IL31RA: variants seen among roughly 807,000 people sequenced by gnomAD.
The protein encoded by IL31RA is interleukin 31 receptor A.
In IL31RA, 66 loss-of-function variants were observed where a neutral mutation model predicts 83.7. The observed-to-expected ratio is 0.79, with a 90% CI of 0.65 to 0.97. The LOEUF is 0.97. IL31RA is among the 50% of genes least tolerant of loss of function. The pLI, the probability that IL31RA is intolerant of heterozygous loss-of-function variation, is 0.00. For missense variants in IL31RA, 798 were observed against 919.4 expected, an observed-to-expected ratio of 0.87 and a Z score of 1.71; for synonymous variants, 325 against 329.0, an observed-to-expected ratio of 0.99 and a Z score of 0.13.
intron 14 of IL31RA, 88 bp from the exon 15 acceptor site, chr5:55,916,556 C>T (rs1048129826): frequency 9.1e-6 from 10 of 1,095,000 alleles, no homozygotes; most frequent in Admixed American, 5.1e-5. Flanking sequence ...CAGAGATGGG[C>T]ATTTGCTGTC....
chr5:55,842,077 G>T, the IL31RA span, among the ~76,000 whole-genome samples: 1 of 152,086 alleles, frequency 6.6e-6, no homozygotes, highest in Non-Finnish European at 1.5e-5. Context: ...ACTGCCCCTG[G>T]TCTTATTTCA....
chr5:55,881,607 G>A (rs58551373), intron 4 of IL31RA, among the ~76,000 whole-genome samples: 3,565 of 151,844 alleles, frequency 0.023, 106 homozygotes, highest in African/African-American at 0.065. Flanking sequence ...CTCAACTGAG[G>A]CGTTCTTCCC....
chr5:55,883,179 T>G lies in IL31RA; in HGVS notation c.590T>G (p.Val197Gly). The G allele has an allele frequency of 6.2e-7, 1 of 1,613,914 alleles. No homozygotes were observed. Among genetic ancestry groups the G allele is most frequent in the Non-Finnish European group, 8.5e-7 (1 of 1,179,782 alleles). The change falls in exon 5 of 15, where the codon GTC (valine) becomes GGC (glycine). Residue 197 changes from valine (V) to glycine (G), a missense_variant. Transcript: ENST00000652347. ...AAATACACACTTCGATTCAGGACAG[T>G]CAACAGTACCAGCTGGGTAAGTTAT... ...DLKYTLRFRT[V>G]NSTSWMEVNF...
chr5:55,880,568 A>T (rs1031383498), intron 4 of IL31RA, among the ~76,000 whole-genome samples: 1 of 152,238 alleles, frequency 6.6e-6, no homozygotes, highest in African/African-American at 2.4e-5. Flanking sequence ...GGGTATTCAT[A>T]CAATGTTGAT....
chr5:55,900,840 A>G (rs1748763898), intron 8 of IL31RA, among the ~76,000 whole-genome samples: 1 of 152,026 alleles, frequency 6.6e-6, no homozygotes, highest in African/African-American at 2.4e-5. Flanking sequence ...TTCTTCCTCA[A>G]TAGGATGTAA....
chr5:55,863,982 C>G (rs1745845954), intron 2 of IL31RA, among the ~76,000 whole-genome samples: 1 of 152,050 alleles, frequency 6.6e-6, no homozygotes, highest in South Asian at 2.1e-4. Context: ...GGATCTATTC[C>G]TCCATTGATA....
At chr5:55,915,742 TC>T (rs1450391253) in intron 14 of IL31RA, among the ~76,000 whole-genome samples, 1 of 152,236 alleles carries the variant, frequency 6.6e-6, no homozygotes, top group African/African-American at 2.4e-5. Flanking sequence ...CCATTTACTT[TC>T]CTGCTTATTA....
chr5:55,851,569 G>A lies in IL31RA; in HGVS notation c.-2G>A. 6.2e-7 allele frequency: 1 copy of A among 1,614,006 alleles called. No individual in the cohort carries two copies. Among genetic ancestry groups the A allele is most frequent in the Non-Finnish European group, 8.5e-7 (1 of 1,179,906 alleles). ...TGTCAGCTTGTTCCACCTCAGCTGG[G>A]AATGTGCATCAGGCAACTCAAGTTT... On this transcript the variant is annotated 5_prime_UTR_variant, in exon 1 of 15. Transcript: ENST00000652347.
chr5:55,891,286 G>A (rs1398355204), intron 6 of IL31RA, among the ~76,000 whole-genome samples: 5 of 152,220 alleles, frequency 3.3e-5, no homozygotes, highest in African/African-American at 1.2e-4. Context: ...ACCCTCAGTG[G>A]ACGATCAATA....
In IL31RA at chr5:55,851,628, A is replaced by C; in HGVS notation, c.58A>C (p.Asn20His). ...GGCATGTGTCTGTGAATGTCCGCAA[A>C]ACATTGTGAGTATTGATTTGGGGGG... is the stretch of plus-strand genomic sequence containing the variant. ...TTACVCECPQ[N>H]ILSPQPSCVN... Residue 20 changes from asparagine (N) to histidine (H), a missense_variant, in exon 1 of 15, where the codon AAC becomes CAC. Transcript: ENST00000652347. 1 of 1,613,892 alleles carries C rather than the reference A, an allele frequency of 6.2e-7. No homozygotes were observed. The highest frequency in any genetic ancestry group is 8.5e-7 in the Non-Finnish European group (1 of 1,179,830).
At chr5:55,907,499 T>G in intron 10 of IL31RA, 39 bp downstream of exon 10, 1 of 1,344,626 alleles carries the variant, frequency 7.4e-7, no homozygotes, top group Non-Finnish European at 1.1e-6. Context: ...AAGGAAACAG[T>G]GTGACCTGTC....
At chr5:55,913,444 T>G (rs1341355920) in intron 12 of IL31RA, 33 bp from the exon 13 acceptor site, 1 of 1,366,584 alleles carries the variant, frequency 7.3e-7, no homozygotes, top group African/African-American at 1.4e-5. Flanking sequence ...GGTGAGGAAC[T>G]CACTACTGAC....
intron 10 of IL31RA, 100 bp downstream of exon 10, chr5:55,907,560 A>G: frequency 1.2e-6 from 1 of 807,094 alleles, no homozygotes; most frequent in South Asian, 1.4e-5. Context: ...CAGCCATCTT[A>G]GGGCTCATTT....
intron 1 of IL31RA, among the ~76,000 whole-genome samples, chr5:55,856,209 C>G (rs1745354919): frequency 6.6e-6 from 1 of 152,146 alleles, no homozygotes; most frequent in African/African-American, 2.4e-5. Context: ...CATCTTTAAG[C>G]ATAGGACACC....
At position 55,879,594 on chromosome 5, in the gene IL31RA, A is replaced by G. The variant is rs546290473; in HGVS notation, c.455-3450A>G. Reference sequence around the variant, plus strand: ...ACTACAGGCACGCACCACCATACCCAGCTATTTTTGTATTTTTAGTAGAGA... The same window carrying G: ...ACTACAGGCACGCACCACCATACCCGGCTATTTTTGTATTTTTAGTAGAGA... On this transcript the variant is annotated intron_variant, in intron 4 of 14. Coordinates refer to ENST00000652347, the MANE Select transcript of IL31RA (RefSeq NM_139017.7). 1.7e-4 allele frequency among the ~76,000 whole-genome samples: 25 copies of G among 150,806 alleles called. 1 individual carries two copies. In the South Asian group the frequency reaches 5.3e-3, roughly 32 times the overall value.
chr5:55,917,845 C>G lies in IL31RA; in HGVS notation c.*725C>G, dbSNP rs976194028. 5.5e-4 allele frequency among the ~76,000 whole-genome samples: 78 copies of G among 141,738 alleles called. No individual in the cohort carries two copies. The highest frequency in any genetic ancestry group is 1.9e-3 in the African/African-American group (78 of 40,918). 93.0% of individuals were successfully genotyped at this position (141,738 alleles called of 152,430 possible). ...CTGTCCAGTCTCCAGGGGGCCACTT[C>G]CCAGCTGCTGCTGCCCTTCTATTCA... On this transcript the variant is annotated 3_prime_UTR_variant, in exon 15 of 15. Coordinates refer to ENST00000652347, the MANE Select transcript of IL31RA (RefSeq NM_139017.7).
intron 2 of IL31RA, among the ~76,000 whole-genome samples, chr5:55,866,968 CTGCTTCTTA>C (rs1261863214): frequency 2.0e-5 from 2 of 102,336 alleles, no homozygotes; most frequent in African/African-American, 5.8e-5. Flanking sequence ...ACAAAAATGC[CTGCTTCTTA>C]AGACTATGAT....
rs189738369 is a variant in IL31RA at position 55,916,598 on chromosome 5, T to C, written c.1819-46T>C. The C allele has an allele frequency of 3.6e-5, 56 of 1,538,724 alleles. No homozygotes were observed. In the Admixed American group the frequency reaches 3.8e-4, roughly 11 times the overall value. On this transcript the variant is annotated intron_variant, in intron 14 of 14. Coordinates refer to ENST00000652347, the MANE Select transcript of IL31RA (RefSeq NM_139017.7). ...CTAACGAGTTTTTGGCTATGTCATA[T>C]GTGACTCCTAAATGACCACTTGGGA...
At chr5:55,861,638 G>T (rs892721856) in intron 2 of IL31RA, among the ~76,000 whole-genome samples, 1 of 152,148 alleles carries the variant, frequency 6.6e-6, no homozygotes, top group Non-Finnish European at 1.5e-5. Flanking sequence ...ATACAGGCAG[G>T]CAGGACTATT....
Sources: allele counts gnomAD v4.1 joint callset (sites outside exome capture counted in the v4.1 genomes callset), GRCh38; gene constraint gnomAD v4.1.1; transcripts MANE v1.5; gene names NCBI Gene and HGNC (gene_info 2026-07-23, HGNC 2026-07-21).